The following ARMC2 variants were observed in gnomAD, a reference collection of about 807,000 sequenced individuals.
ARMC2 encodes armadillo repeat-containing protein 2.
ARMC2 carries 67 observed loss-of-function variants against 90.3 expected under a neutral mutation model. The observed-to-expected ratio is 0.74, with a 90% CI of 0.61 to 0.91. The LOEUF (loss-of-function observed/expected upper bound fraction) is 0.91. Among genes scored for constraint, ARMC2 ranks in the 40% least tolerant of loss-of-function variants. The probability of loss-of-function intolerance (pLI) is 0.00; values close to 1 mark genes in which losing one functional copy is unlikely to be tolerated. For synonymous variants in ARMC2, 393 were observed against 393.0 expected, an observed-to-expected ratio of 1.00 and a Z score of 0.00; for missense variants, 920 against 1,030.9, an observed-to-expected ratio of 0.89 and a Z score of 1.47.
chr6:109,024,537 C>T, the ARMC2 span, among the ~76,000 whole-genome samples: 1 of 152,156 alleles, frequency 6.6e-6, no homozygotes, highest in Non-Finnish European at 1.5e-5. Flanking sequence ...GGACAAAATA[C>T]CTAAAAATAT....
rs1562424435 is a variant in ARMC2, at chr6:108,953,331, GCCTGC to G, written c.1896_1900del (p.Leu633ProfsTer10). 1 of 1,605,874 alleles carries G rather than the reference GCCTGC, an allele frequency of 6.2e-7. No homozygotes were observed. Among genetic ancestry groups the G allele is most frequent in the Non-Finnish European group, 8.5e-7 (1 of 1,178,440 alleles). On this transcript the variant is annotated frameshift_variant, in exon 13 of 18. Transcript: ENST00000392644. LOFTEE classifies it high-confidence loss of function. ...CTGGCCGCCAACCCGGGGATAGTGG[GCCTGC>G]TCCTGACCACGCTGGGTGAGAACCG...
In ARMC2 at chr6:108,933,888, G is replaced by A. The variant is rs556687522; in HGVS notation, c.1497-3012G>A. On this transcript the variant is annotated intron_variant, in intron 11 of 17. Coordinates refer to ENST00000392644, the MANE Select transcript of ARMC2 (RefSeq NM_032131.6). ...GTTTTGATTTGTTTTTTGAGACGGAGTCTTGCTTTGTCGCCCAGGCTGGAG... is the reference window on the plus strand; with the variant it reads ...GTTTTGATTTGTTTTTTGAGACGGAATCTTGCTTTGTCGCCCAGGCTGGAG... Among the ~76,000 whole-genome samples the A allele has an allele frequency of 4.6e-5, 7 of 152,280 alleles. No homozygotes were observed. The East Asian group carries it at 1.3e-3, about 29-fold the overall frequency.
rs60732835 is a variant in ARMC2, at chr6:108,892,631, C to T, written c.672-1836C>T. 4.4e-3 allele frequency among the ~76,000 whole-genome samples: 671 copies of T among 151,932 alleles called. 2 individuals carry two copies. Among genetic ancestry groups the T allele is most frequent in the African/African-American group, 0.016 (646 of 41,446 alleles). The stretch of plus-strand genomic sequence containing the variant: ...AAAATTAGCCAGGCATGGTGGCACA[C>T]GCCTGTAATCCCAGCTACTCGGGAG... On this transcript the variant is annotated intron_variant, in intron 5 of 17. Transcript: ENST00000392644.
At chr6:108,880,309 G>A (rs752948231) in intron 5 of ARMC2, 22 of 198,184 alleles carry the variant, frequency 1.1e-4, no homozygotes, top group Non-Finnish European at 2.0e-4. Context: ...GGGTGGTTAT[G>A]TGGCCCAGGG....
intron 8 of ARMC2, chr6:108,907,585 G>C (rs965656139): frequency 2.0e-6 from 3 of 1,518,060 alleles, no homozygotes; most frequent in African/African-American, 1.4e-5. Flanking sequence ...GTCGTGGGGT[G>C]GGGGGGTGCA....
the ARMC2 span, among the ~76,000 whole-genome samples, chr6:108,984,082 G>T: frequency 5.7e-3 from 863 of 152,256 alleles, 5 homozygotes; most frequent in Middle Eastern, 0.037. Context: ...AGGGATGTGG[G>T]TTGTGCACTC....
At chr6:108,942,258 C>T (rs558192046) in intron 12 of ARMC2, among the ~76,000 whole-genome samples, 2 of 152,304 alleles carry the variant, frequency 1.3e-5, no homozygotes, top group East Asian at 1.9e-4. Context: ...TTCTAGTACT[C>T]GAGTGCTTCT....
chr6:109,001,307 C>T, the ARMC2 span: 11 of 1,613,418 alleles, frequency 6.8e-6, no homozygotes, highest in East Asian at 2.2e-5. Context: ...AATGTAGTGA[C>T]GATAATGTAG....
At chr6:108,892,727 C>A (rs778969967) in intron 5 of ARMC2, among the ~76,000 whole-genome samples, 6 of 150,306 alleles carry the variant, frequency 4.0e-5, no homozygotes, top group Non-Finnish European at 8.8e-5. Context: ...CCATTGCACT[C>A]CAGCCTGGGC....
At chr6:109,045,162 T>C in the ARMC2 span, among the ~76,000 whole-genome samples, 2 of 152,202 alleles carry the variant, frequency 1.3e-5, no homozygotes, top group East Asian at 1.9e-4. Flanking sequence ...TGTGCCTAGC[T>C]AGGCTCCTCT....
At chr6:108,984,256 A>C in the ARMC2 span, among the ~76,000 whole-genome samples, 7 of 152,186 alleles carry the variant, frequency 4.6e-5, no homozygotes, top group African/African-American at 1.7e-4. Flanking sequence ...TCAATGTGTA[A>C]GTCTTTTGTC....
chr6:108,928,012 G>T, intron 10 of ARMC2, 76 bp from the exon 11 acceptor site: 6 of 1,340,330 alleles, frequency 4.5e-6, no homozygotes, highest in South Asian at 2.0e-5. Context: ...TTTATGAAAT[G>T]AATTGTACTA....
rs745850721 is a variant in ARMC2 at position 108,961,575 on chromosome 6, A to T, written c.1919A>T (p.Tyr640Phe). The T allele has an allele frequency of 1.3e-5, 21 of 1,606,336 alleles. No individual in the cohort carries two copies. Among genetic ancestry groups the T allele is most frequent in the Non-Finnish European group, 1.8e-5 (21 of 1,176,660 alleles). Residue 640 changes from tyrosine (Y) to phenylalanine (F), a missense_variant, in exon 14 of 18, where the codon TAC (tyrosine) becomes TTC (phenylalanine). Coordinates refer to ENST00000392644, the MANE Select transcript of ARMC2 (RefSeq NM_032131.6). ...CCTTATCCTTACTTCATTTCAGAAT[A>T]CAAGTCACTTGATGATTGTGAGGAG... is the stretch of plus-strand genomic sequence containing the variant. The part of the protein sequence containing the change: ...IVGLLLTTLE[Y>F]KSLDDCEELV...
intron 13 of ARMC2, among the ~76,000 whole-genome samples, chr6:108,953,867 T>A (rs1436463575): frequency 6.6e-6 from 1 of 152,198 alleles, no homozygotes; most frequent in Admixed American, 6.5e-5. Context: ...CAGATTGCCA[T>A]AACAAAATAC....
intron 8 of ARMC2, 136 bp from the exon 9 acceptor site, chr6:108,910,763 C>A: frequency 4.2e-6 from 2 of 470,656 alleles, no homozygotes; most frequent in Non-Finnish European, 3.6e-6. Context: ...CTAAATTTTT[C>A]AAAGTTGATT....
the ARMC2 span, among the ~76,000 whole-genome samples, chr6:109,040,937 C>A: frequency 4.2e-4 from 64 of 151,992 alleles, 2 homozygotes; most frequent in South Asian, 0.013. Context: ...CAGGCGTGAG[C>A]CACCGCACCT....
At chr6:108,868,685 G>A in intron 3 of ARMC2, 139 bp from the exon 4 acceptor site, 1 of 698,978 alleles carries the variant, frequency 1.4e-6, no homozygotes, top group South Asian at 1.9e-5. Context: ...GGGCCAGTGA[G>A]TTGGTAGAAT....
intron 12 of ARMC2, among the ~76,000 whole-genome samples, chr6:108,938,637 G>T (rs1776173118): frequency 1.9e-5 from 1 of 52,862 alleles, no homozygotes. Flanking sequence ...CTTTGATCTT[G>T]GGTGATTTAG....
At chr6:108,915,109 C>G (rs187839226) in intron 10 of ARMC2, among the ~76,000 whole-genome samples, 1 of 151,992 alleles carries the variant, frequency 6.6e-6, no homozygotes, top group African/African-American at 2.4e-5. Flanking sequence ...CCCGCCACCA[C>G]GCCTGGCTAA....
Sources: allele counts gnomAD v4.1 joint callset (sites outside exome capture counted in the v4.1 genomes callset), GRCh38; gene constraint gnomAD v4.1.1; transcripts MANE v1.5; gene names NCBI Gene and HGNC (gene_info 2026-07-23, HGNC 2026-07-21).